The following PAX2 variants were observed in gnomAD, a reference collection of about 807,000 sequenced individuals.
The protein encoded by PAX2 is paired box 2, also known as paired box protein Pax-2.
A neutral mutation model predicts 41.7 loss-of-function variants in PAX2; 9 were observed. The observed-to-expected ratio is 0.22, with a 90% CI of 0.13 to 0.38. PAX2 has a LOEUF of 0.38. Among genes scored for constraint, PAX2 ranks in the 10% least tolerant of loss-of-function variants. The pLI is 1.00. For missense variants in PAX2, 418 were observed against 531.6 expected (o/e 0.79, Z 2.10); for synonymous variants, 221 against 212.7 (o/e 1.04, Z -0.34).
chr10:100,814,925 G>A (rs1009124463), intron 7 of PAX2, among the ~76,000 whole-genome samples: 5 of 152,228 alleles, frequency 3.3e-5, no homozygotes, highest in African/African-American at 1.2e-4. Context: ...GCAGAGGTAG[G>A]GGAGGCCAGA....
chr10:100,798,590 CT>C (rs1847421386), intron 5 of PAX2, among the ~76,000 whole-genome samples: 2 of 152,144 alleles, frequency 1.3e-5, no homozygotes, highest in South Asian at 4.2e-4. Flanking sequence ...CTCCTCTCTC[CT>C]TTTTCCTATC....
chr10:100,807,500 G>A (rs1362267604), intron 6 of PAX2, among the ~76,000 whole-genome samples: 8 of 113,124 alleles, frequency 7.1e-5, no homozygotes, highest in African/African-American at 2.1e-4. Context: ...CTGCTCCCCC[G>A]ACCACAGCCC....
At position 100,748,188 on chromosome 10, in the gene PAX2, C is replaced by T; in HGVS notation, c.44-1558C>T. The T allele has an allele frequency of 1.0e-6, 1 of 985,204 alleles. No individual in the cohort carries two copies. Among genetic ancestry groups the T allele is most frequent in the Non-Finnish European group, 1.2e-6 (1 of 829,870 alleles). The allele number at this position is 985,204 out of a possible 1,614,324, so 61.0% of individuals were successfully genotyped here. A position where few individuals can be genotyped will look rare whatever the true frequency, so the allele number is the denominator to read the frequency against. On this transcript the variant is annotated intron_variant, in intron 1 of 9. Transcript: ENST00000355243. The surrounding 1 kb of genome is among the most constrained non-coding windows in gnomAD (Gnocchi z 5.0). ...GGGCCGGGCCCTGAGCCCGGGGAGG[C>T]TGAATTATTCATCTTTAATCTGCCC...
At chr10:100,815,013 C>T (rs1221262695) in intron 7 of PAX2, among the ~76,000 whole-genome samples, 2 of 152,236 alleles carry the variant, frequency 1.3e-5, no homozygotes, top group African/African-American at 4.8e-5. Context: ...GGGTTGCCAA[C>T]TCAGAAGCTC....
chr10:100,748,219 T>C lies in PAX2; in HGVS notation c.44-1527T>C, dbSNP rs547902341. On this transcript the variant is annotated intron_variant, in intron 1 of 9. Transcript: ENST00000355243. The surrounding 1 kb of genome is among the most constrained non-coding windows in gnomAD (Gnocchi z 5.0). ...TATTCATCTTTAATCTGCCCGCAGC[T>C]GCCGCCTTTTCATACCGGTAACGCG... The C allele has an allele frequency of 4.1e-6, 4 of 985,126 alleles. No individual in the cohort carries two copies. The African/African-American group carries it at 7.0e-5, about 17-fold the overall frequency. The allele number at this position is 985,126 out of a possible 1,614,324, so 61.0% of individuals were successfully genotyped here.
At position 100,781,372 on chromosome 10, in the gene PAX2, A is replaced by C; in HGVS notation, c.616+7A>C. ...AAGAGGAAACGTGATGAAGGTAGGG[A>C]GGAGGGAAGAGGTGTGGCTTCCCCT... On this transcript the variant is annotated splice_region_variant and intron_variant, in intron 5 of 9. Coordinates refer to ENST00000355243, the MANE Select transcript of PAX2 (RefSeq NM_000278.5). 6.2e-7 allele frequency: 1 copy of C among 1,614,028 alleles called. No homozygotes were observed. The highest frequency in any genetic ancestry group is 1.1e-5 in the South Asian group (1 of 91,086).
Position 100,791,966 on chromosome 10 carries a change from G to T in PAX2, c.616+10601G>T, listed in dbSNP as rs4917910. On this transcript the variant is annotated intron_variant, in intron 5 of 9. Coordinates refer to ENST00000355243, the MANE Select transcript of PAX2 (RefSeq NM_000278.5). This position sits in a 1 kb window ranked among gnomAD's most constrained non-coding sequence, Gnocchi z 4.5. The stretch of plus-strand genomic sequence containing the variant: ...TCTTGGGCAGTGGGTATGTGGTCCA[G>T]GCAGCAAAAGGGACCAGAATGCTAT... Among the ~76,000 whole-genome samples the T allele has an allele frequency of 6.6e-6, 1 of 152,146 alleles. No individual in the cohort carries two copies. Among genetic ancestry groups the T allele is most frequent in the African/African-American group, 2.4e-5 (1 of 41,436 alleles).
rs1333245443 is a variant in PAX2, at chr10:100,806,449, C to A, written c.636C>A (p.Val212=). 6.8e-6 allele frequency: 11 copies of A among 1,614,120 alleles called. No individual in the cohort carries two copies. Among genetic ancestry groups the A allele is most frequent in the African/African-American group, 1.3e-5 (1 of 74,954 alleles). The change falls in exon 6 of 10, where the codon GTC becomes GTA. Residue 212 remains valine (V), a synonymous_variant. Coordinates refer to ENST00000355243, the MANE Select transcript of PAX2 (RefSeq NM_000278.5). The part of the protein sequence containing the change: ...KRDEDVSEGS[V]PNGDSQSGVD... ...CTCCAGATGTGTCTGAGGGCTCAGT[C>A]CCCAATGGAGATTCCCAGAGTGGTG...
rs1325686385 is a variant in PAX2 at position 100,828,395 on chromosome 10, CG to C, written c.*778del. On this transcript the variant is annotated 3_prime_UTR_variant, in exon 10 of 10. Transcript: ENST00000355243. This position sits in a 1 kb window ranked among gnomAD's most constrained non-coding sequence, Gnocchi z 6.5. Reference sequence around the variant, plus strand: ...CTGGCCTGCCTAGTTCCCCAGGGCCCGGCACCTCCTGCTGCGAGACCCGGCT... The same window carrying C: ...CTGGCCTGCCTAGTTCCCCAGGGCCCGCACCTCCTGCTGCGAGACCCGGCT... 2.1e-5 allele frequency: 5 copies of C among 233,800 alleles called. No homozygotes were observed. In the East Asian group the frequency reaches 3.0e-4, roughly 14 times the overall value. The allele number at this position is 233,800 out of a possible 1,614,324, so 14.5% of individuals were successfully genotyped here.
intron 7 of PAX2, among the ~76,000 whole-genome samples, chr10:100,811,751 G>A (rs991375430): frequency 2.6e-5 from 4 of 152,198 alleles, no homozygotes; most frequent in Non-Finnish European, 4.4e-5. Flanking sequence ...GTGTGCTAAA[G>A]GTAAGGGAGC....
intron 5 of PAX2, among the ~76,000 whole-genome samples, chr10:100,793,340 C>T (rs1847204744): frequency 6.6e-6 from 1 of 152,230 alleles, no homozygotes; most frequent in Non-Finnish European, 1.5e-5. Context: ...CCACTCAAGG[C>T]TCACCCCTCT....
At position 100,779,672 on chromosome 10, in the gene PAX2, C is replaced by G. The variant is rs7901210; in HGVS notation, c.496+89C>G. ...TCCACCCCTGGGAACTGCCTGCCCG[C>G]TTGAGGTCCAGAGCCCAACCTATTT... On this transcript the variant is annotated intron_variant, in intron 4 of 9. Transcript: ENST00000355243. 238,310 of 1,031,420 alleles carry G rather than the reference C, an allele frequency of 0.23. 32,809 individuals carry two copies. Among genetic ancestry groups the G allele is most frequent in the African/African-American group, 0.54 (33,689 of 62,944 alleles). 63.9% of individuals were successfully genotyped at this position (1,031,420 alleles called of 1,614,324 possible).
At chr10:100,787,351 A>G (rs1178619832) in intron 5 of PAX2, among the ~76,000 whole-genome samples, 2 of 152,202 alleles carry the variant, frequency 1.3e-5, no homozygotes, top group Non-Finnish European at 2.9e-5. Flanking sequence ...GACAGCCCTA[A>G]TTCATCACAG....
chr10:100,741,163 A>G (rs1344586917), upstream of PAX2, among the ~76,000 whole-genome samples: 1 of 152,170 alleles, frequency 6.6e-6, no homozygotes, highest in African/African-American at 2.4e-5. Context: ...CCTGGACTCC[A>G]CAGGACCAAC....
At chr10:100,755,262 C>A (rs2133846055) in intron 3 of PAX2, among the ~76,000 whole-genome samples, 1 of 152,332 alleles carries the variant, frequency 6.6e-6, no homozygotes, top group South Asian at 2.1e-4. Flanking sequence ...CTGACTGTCT[C>A]CCTGTTGGCT....
chr10:100,782,702 T>C (rs1450661971), intron 5 of PAX2, among the ~76,000 whole-genome samples: 7 of 152,276 alleles, frequency 4.6e-5, no homozygotes, highest in African/African-American at 1.7e-4. Flanking sequence ...TTCCAAAATA[T>C]CCAAACCGAT....
At chr10:100,816,987 C>T (rs1266075245) in intron 7 of PAX2, among the ~76,000 whole-genome samples, 1 of 152,170 alleles carries the variant, frequency 6.6e-6, no homozygotes, top group Non-Finnish European at 1.5e-5. Flanking sequence ...TCAGTGCTCT[C>T]AGAGAACAAA....
rs1848249593 is a variant in PAX2 at position 100,818,098 on chromosome 10, G to A, written c.920-6550G>A. On this transcript the variant is annotated intron_variant, in intron 7 of 9. Transcript: ENST00000355243. ...TGTCTTCATTTTCGCTACCTTATGA[G>A]AAGCAGACAGAACTTGAGGATAGGG... Among the ~76,000 whole-genome samples the A allele has an allele frequency of 1.3e-5, 2 of 152,196 alleles. 1 individual carries two copies. The highest frequency in any genetic ancestry group is 4.1e-4 in the South Asian group (2 of 4,824).
rs1440711899 is a variant in PAX2, at chr10:100,748,454, AG to A, written c.44-1286del. On this transcript the variant is annotated intron_variant, in intron 1 of 9. Coordinates refer to ENST00000355243, the MANE Select transcript of PAX2 (RefSeq NM_000278.5). This position sits in a 1 kb window ranked among gnomAD's most constrained non-coding sequence, Gnocchi z 5.0. ...CCGAGAAAGGGAGGGGAGAGAAATGAGGGGGGCACAGATGTCCCCGCTTTCT... is the reference window on the plus strand; with the variant it reads ...CCGAGAAAGGGAGGGGAGAGAAATGAGGGGGCACAGATGTCCCCGCTTTCT... 9 of 984,430 alleles carry A rather than the reference AG, an allele frequency of 9.1e-6. No individual in the cohort carries two copies. The highest frequency in any genetic ancestry group is 5.2e-4 in the Middle Eastern group (1 of 1,914). 61.0% of individuals were successfully genotyped at this position (984,430 alleles called of 1,614,324 possible). A position where few individuals can be genotyped will look rare whatever the true frequency, so the allele number is the denominator to read the frequency against.
Sources: gnomAD v4.1 joint callset for allele counts (sites outside exome capture counted in the v4.1 genomes callset) on GRCh38, gnomAD v4.1.1 for gene constraint, Gnocchi (gnomAD v3.1) non-coding constraint, MANE v1.5 for transcripts, NCBI Gene and HGNC (gene_info 2026-07-23, HGNC 2026-07-21) for gene names.